The following ASAP2 variants were observed in gnomAD, a reference collection of about 807,000 sequenced individuals.
The protein encoded by ASAP2 is arf-GAP with SH3 domain, ANK repeat and PH domain-containing protein 2.
Under a neutral mutation model 131.4 loss-of-function variants are expected in ASAP2, and 45 were observed. The ratio of observed to expected loss-of-function variants is 0.34; its 90% CI spans 0.27 to 0.44. The LOEUF (loss-of-function observed/expected upper bound fraction) is 0.44. ASAP2 is among the 20% of genes least tolerant of loss of function. ASAP2 has a pLI of 1.00. For synonymous variants in ASAP2, 510 were observed against 503.0 expected (o/e 1.01, Z -0.19); for missense variants, 1,011 against 1,297.0 (o/e 0.78, Z 3.39).
At chr2:9,390,382 C>T (rs993578109) in intron 22 of ASAP2, among the ~76,000 whole-genome samples, 7 of 152,228 alleles carry the variant, frequency 4.6e-5, no homozygotes, top group African/African-American at 1.7e-4. Flanking sequence ...TAGCCTTTGC[C>T]CTACAGGCCG....
intron 4 of ASAP2, among the ~76,000 whole-genome samples, chr2:9,319,191 C>T (rs751474620): frequency 5.3e-5 from 8 of 152,196 alleles, no homozygotes; most frequent in Non-Finnish European, 7.3e-5. Flanking sequence ...GCTAGAGGCG[C>T]GTTTGCCAGG....
At chr2:9,321,306 A>G (rs114859857) in intron 5 of ASAP2, among the ~76,000 whole-genome samples, 1 of 152,138 alleles carries the variant, frequency 6.6e-6, no homozygotes, top group Non-Finnish European at 1.5e-5. Flanking sequence ...CCTTCTATCC[A>G]TGGGAATCTT....
At chr2:9,322,565 C>G (rs1244153238) in intron 5 of ASAP2, among the ~76,000 whole-genome samples, 2 of 152,172 alleles carry the variant, frequency 1.3e-5, no homozygotes, top group Admixed American at 1.3e-4. Flanking sequence ...TCAGTTTTTA[C>G]CCTGAACTGC....
chr2:9,347,422 G>A (rs1030926565), intron 11 of ASAP2, among the ~76,000 whole-genome samples: 2 of 152,168 alleles, frequency 1.3e-5, no homozygotes, highest in Admixed American at 1.3e-4. Flanking sequence ...GAGTGTGCTC[G>A]TTTACAGTCA....
chr2:9,385,624 C>T (rs991004330), intron 21 of ASAP2, among the ~76,000 whole-genome samples: 20 of 152,100 alleles, frequency 1.3e-4, no homozygotes, highest in Admixed American at 4.6e-4. Context: ...GTGTGTGTGG[C>T]GGGGGGGTTG....
At chr2:9,393,726 T>C (rs1419030655) in intron 24 of ASAP2, 79 bp downstream of exon 24, 20 of 1,417,958 alleles carry the variant, frequency 1.4e-5, no homozygotes, top group Admixed American at 2.5e-5. Context: ...CAGGAATGTT[T>C]GCAATCCCCA....
chr2:9,274,834 C>T (rs963599770), intron 1 of ASAP2, among the ~76,000 whole-genome samples: 1 of 152,138 alleles, frequency 6.6e-6, no homozygotes. Context: ...CAAGTTTATG[C>T]ACTCATCCCT....
chr2:9,292,639 C>T (rs1405808825), intron 2 of ASAP2, among the ~76,000 whole-genome samples: 2 of 152,230 alleles, frequency 1.3e-5, no homozygotes, highest in African/African-American at 4.8e-5. Context: ...CTTCTCTACT[C>T]GACAAGTCTT....
intron 21 of ASAP2, 40 bp downstream of exon 21, chr2:9,385,398 C>G (rs1675189197): frequency 6.8e-7 from 1 of 1,480,826 alleles, no homozygotes; most frequent in African/African-American, 1.4e-5. Flanking sequence ...TTTTGATCAG[C>G]TTCATCCAGA....
In ASAP2 at chr2:9,356,267, C is replaced by G; in HGVS notation, c.1249C>G (p.Gln417Glu). The G allele has an allele frequency of 6.2e-7, 1 of 1,614,046 alleles. No individual in the cohort carries two copies. The highest frequency in any genetic ancestry group is 1.1e-5 in the South Asian group (1 of 91,056). Residue 417 changes from glutamine to glutamate, a missense_variant, in exon 14 of 28, where the codon CAA (glutamine) becomes GAA (glutamate). Coordinates refer to ENST00000281419, the MANE Select transcript of ASAP2 (RefSeq NM_003887.3). ...DDNTGENNIV[Q>E]ELTKEIISEV... ...CAATACTGGAGAAAATAACATCGTC[C>G]AAGAACTGACAAAGGAGATCATCTC... is the stretch of plus-strand genomic sequence containing the variant.
chr2:9,233,460 C>T (rs971540798), intron 1 of ASAP2, among the ~76,000 whole-genome samples: 1 of 152,110 alleles, frequency 6.6e-6, no homozygotes, highest in African/African-American at 2.4e-5. Context: ...TCAGATTTTA[C>T]TTTTTAAGTA....
rs1671822674 is a variant in ASAP2, at chr2:9,344,524, T to A, written c.850-8T>A. ...AAGATTAAAAACACACTCTTCACCA[T>A]TTTTTAGGACTCCCAAATTCGTCAG... On this transcript the variant is annotated splice_region_variant and splice_polypyrimidine_tract_variant and intron_variant, in intron 9 of 27. Coordinates refer to ENST00000281419, the MANE Select transcript of ASAP2 (RefSeq NM_003887.3). 6.2e-7 allele frequency: 1 copy of A among 1,609,952 alleles called. No individual in the cohort carries two copies. Among genetic ancestry groups the A allele is most frequent in the African/African-American group, 1.3e-5 (1 of 74,818 alleles).
chr2:9,257,604 C>T (rs532135085), intron 1 of ASAP2, among the ~76,000 whole-genome samples: 39 of 152,298 alleles, frequency 2.6e-4, no homozygotes, highest in African/African-American at 9.1e-4. Context: ...CGTCAACCTT[C>T]GTTTCCCAGG....
At chr2:9,399,439 G>GACCTGTCTC in intron 24 of ASAP2, 1 of 153,844 alleles carries the variant, frequency 6.5e-6, no homozygotes, top group Non-Finnish European at 1.4e-5. Flanking sequence ...CAGGTGGCAG[G>GACCTGTCTC]TTCGAGATGA....
intron 9 of ASAP2, 53 bp from the exon 10 acceptor site, chr2:9,344,479 C>G: frequency 6.8e-7 from 1 of 1,479,082 alleles, no homozygotes; most frequent in Non-Finnish European, 9.3e-7. Context: ...TACTGCTTTT[C>G]TAAAAATTAG....
At chr2:9,270,494 C>T (rs950770761) in intron 1 of ASAP2, among the ~76,000 whole-genome samples, 2 of 151,970 alleles carry the variant, frequency 1.3e-5, no homozygotes, top group African/African-American at 2.4e-5. Flanking sequence ...TATTTTGATA[C>T]AGGCATGCAG....
At chr2:9,335,226 G>T in intron 9 of ASAP2, 47 bp downstream of exon 9, 1 of 1,548,398 alleles carries the variant, frequency 6.5e-7, no homozygotes, top group Non-Finnish European at 8.9e-7. Flanking sequence ...CCCCATTCTT[G>T]GAGGCTTTGG....
rs143875080 is a variant in ASAP2, at chr2:9,264,851, A to C, written c.127-14466A>C. ...CTAATACAGCAATTTAAAAAATACA[A>C]ATTTTGGCCAGACACAATGCCTTAT... On this transcript the variant is annotated intron_variant, in intron 1 of 27. Coordinates refer to ENST00000281419, the MANE Select transcript of ASAP2 (RefSeq NM_003887.3). 3.4e-3 allele frequency among the ~76,000 whole-genome samples: 513 copies of C among 152,282 alleles called. 5 individuals carry two copies. Among genetic ancestry groups the C allele is most frequent in the African/African-American group, 0.012 (480 of 41,548 alleles).
In ASAP2 at chr2:9,391,196, A is replaced by G. The variant is rs1675692792; in HGVS notation, c.2518A>G (p.Asn840Asp). The G allele has an allele frequency of 2.5e-6, 4 of 1,610,452 alleles. No homozygotes were observed. The highest frequency in any genetic ancestry group is 1.3e-5 in the African/African-American group (1 of 74,722). ...PLPPLRVTSTNPLTPTPPPPV... is the reference protein window; with the variant it reads ...PLPPLRVTSTDPLTPTPPPPV... ...GCCCCCTCTTCGCGTGACATCTACCAGTACGTTTTTTTCCTTTTTCCTTTC... is the reference window on the plus strand; with the variant it reads ...GCCCCCTCTTCGCGTGACATCTACCGGTACGTTTTTTTCCTTTTTCCTTTC... The change falls in exon 23 of 28, where the codon AAT becomes GAT. Residue 840 changes from asparagine to aspartate, a missense_variant and splice_region_variant. Asn to Asp is a conservative substitution (Grantham distance 23, BLOSUM62 1). Around this residue, in one of 2 missense-constraint regions of ASAP2, gnomAD observed 652 missense variants for 698.9 expected, o/e 0.93. Coordinates refer to ENST00000281419, the MANE Select transcript of ASAP2 (RefSeq NM_003887.3).
Sources: gnomAD v4.1 joint callset for allele counts (sites outside exome capture counted in the v4.1 genomes callset) on GRCh38, gnomAD v4.1.1 for gene constraint, gnomAD v4.1.1 regional missense constraint, MANE v1.5 for transcripts, NCBI Gene and HGNC (gene_info 2026-07-23, HGNC 2026-07-21) for gene names.